Variants in SAMTOR observed in about 807,000 individuals in gnomAD.
The protein encoded by SAMTOR is UPF0532 protein C7orf60.
At chr7:112,883,309 CCTTTT>C in the SAMTOR span, among the ~76,000 whole-genome samples, 3 of 152,146 alleles carry the variant, frequency 2.0e-5, no homozygotes, top group Non-Finnish European at 4.4e-5. Flanking sequence ...ATCCTTCTTT[CCTTTT>C]GTCTGTCTCT....
At chr7:112,920,547 G>A in the SAMTOR span, among the ~76,000 whole-genome samples, 6 of 150,048 alleles carry the variant, frequency 4.0e-5, no homozygotes, top group African/African-American at 1.2e-4. Flanking sequence ...CACAAGACAG[G>A]GATGCCCTCT....
chr7:112,928,088 C>G, the SAMTOR span, among the ~76,000 whole-genome samples: 1 of 151,936 alleles, frequency 6.6e-6, no homozygotes, highest in African/African-American at 2.4e-5. Context: ...AAAAAGAGTT[C>G]CATTTTTAAT....
At chr7:112,863,036 C>T in the SAMTOR span, among the ~76,000 whole-genome samples, 2 of 152,010 alleles carry the variant, frequency 1.3e-5, no homozygotes, top group African/African-American at 4.8e-5. Context: ...AACTATACTA[C>T]AGGGCTACAG....
the SAMTOR span, among the ~76,000 whole-genome samples, chr7:112,892,545 G>C: frequency 6.6e-6 from 1 of 152,162 alleles, no homozygotes; most frequent in African/African-American, 2.4e-5. Flanking sequence ...GAGACGGGAG[G>C]ATTGCTTGAG....
chr7:112,854,100 A>C, the SAMTOR span, among the ~76,000 whole-genome samples: 1 of 152,122 alleles, frequency 6.6e-6, no homozygotes, highest in Admixed American at 6.6e-5. Context: ...ATGACATAAA[A>C]TCATTAGTTC....
At chr7:112,894,566 A>G in the SAMTOR span, among the ~76,000 whole-genome samples, 1 of 152,172 alleles carries the variant, frequency 6.6e-6, no homozygotes, top group Admixed American at 6.5e-5. Context: ...TCATGATGGA[A>G]GGCGAAAGGC....
the SAMTOR span, among the ~76,000 whole-genome samples, chr7:112,837,262 C>T: frequency 2.6e-5 from 4 of 151,968 alleles, no homozygotes; most frequent in Non-Finnish European, 5.9e-5. Context: ...TATAGGAATG[C>T]TGCTGATTTT....
chr7:112,832,700 C>A, the SAMTOR span: 2 of 1,375,980 alleles, frequency 1.5e-6, no homozygotes, highest in Non-Finnish European at 2.1e-6. Flanking sequence ...TTTATAAGAA[C>A]AAAATCAAAT....
At chr7:112,874,938 G>A in the SAMTOR span, among the ~76,000 whole-genome samples, 3 of 152,142 alleles carry the variant, frequency 2.0e-5, no homozygotes, top group Admixed American at 1.3e-4. Context: ...CACATAACCT[G>A]ATAAGCCCAG....
the SAMTOR span, among the ~76,000 whole-genome samples, chr7:112,877,665 C>T: frequency 6.6e-6 from 1 of 152,044 alleles, no homozygotes; most frequent in Non-Finnish European, 1.5e-5. Context: ...TCAAATCTCA[C>T]GTTGAATTGT....
chr7:112,923,030 T>G, the SAMTOR span, among the ~76,000 whole-genome samples: 1 of 152,102 alleles, frequency 6.6e-6, no homozygotes, highest in Non-Finnish European at 1.5e-5. Flanking sequence ...TTTTGTGGAA[T>G]AGAAAAGGGG....
the SAMTOR span, among the ~76,000 whole-genome samples, chr7:112,855,893 A>G: frequency 6.6e-6 from 1 of 151,602 alleles, no homozygotes; most frequent in Non-Finnish European, 1.5e-5. Flanking sequence ...CTACCTCACC[A>G]TGCTTGGGGG....
chr7:112,836,249 C>T, the SAMTOR span, among the ~76,000 whole-genome samples: 1 of 152,134 alleles, frequency 6.6e-6, no homozygotes, highest in Non-Finnish European at 1.5e-5. Context: ...TGATGTTGAG[C>T]ATTTTTTCAT....
chr7:112,863,132 A>G, the SAMTOR span, among the ~76,000 whole-genome samples: 19 of 152,160 alleles, frequency 1.2e-4, no homozygotes, highest in Non-Finnish European at 2.6e-4. Context: ...ATAAGATCAC[A>G]CACCTACAAG....
chr7:112,902,807 C>A, the SAMTOR span, among the ~76,000 whole-genome samples: 2 of 152,006 alleles, frequency 1.3e-5, no homozygotes, highest in Non-Finnish European at 2.9e-5. Context: ...GTGTTGTAAA[C>A]CCACTGCTCT....
chr7:112,911,351 G>A, the SAMTOR span, among the ~76,000 whole-genome samples: 6 of 152,138 alleles, frequency 3.9e-5, no homozygotes, highest in Non-Finnish European at 8.8e-5. Context: ...GAGACCAGAA[G>A]TGAATTGAAA....
At chr7:112,886,262 A>G in the SAMTOR span, among the ~76,000 whole-genome samples, 1 of 152,332 alleles carries the variant, frequency 6.6e-6, no homozygotes, top group Middle Eastern at 3.4e-3. Flanking sequence ...ATGGGATGCC[A>G]TTTTATTCCA....
At chr7:112,875,871 C>T in the SAMTOR span, among the ~76,000 whole-genome samples, 1 of 152,178 alleles carries the variant, frequency 6.6e-6, no homozygotes, top group Non-Finnish European at 1.5e-5. Context: ...GTTGAAGTTT[C>T]TCTCTTTCTA....
At chr7:112,837,191 T>A in the SAMTOR span, among the ~76,000 whole-genome samples, 5 of 152,106 alleles carry the variant, frequency 3.3e-5, no homozygotes, top group African/African-American at 1.2e-4. Flanking sequence ...TTATTCTTTT[T>A]GTGGCAATTG....
Sources: gnomAD v4.1 joint callset for allele counts (sites outside exome capture counted in the v4.1 genomes callset) on GRCh38, gnomAD v4.1.1 for gene constraint, MANE v1.5 for transcripts, NCBI Gene and HGNC (gene_info 2026-07-23, HGNC 2026-07-21) for gene names.